GLS: variants seen among roughly 807,000 people sequenced by gnomAD.
GLS encodes glutaminase kidney isoform, mitochondrial.
A neutral mutation model predicts 86.7 loss-of-function variants in GLS; 36 were observed. The ratio of observed to expected loss-of-function variants is 0.42; its 90% confidence interval spans 0.32 to 0.55. The LOEUF (loss-of-function observed/expected upper bound fraction) is 0.55, where lower values mean the gene tolerates loss of function less well. Among genes scored for constraint, GLS ranks in the 20% least tolerant of loss-of-function variants. The pLI is 0.17. For missense variants in GLS, 528 were observed against 833.4 expected (o/e 0.63, Z 4.51); for synonymous variants, 317 against 305.9 (o/e 1.04, Z -0.38).
At chr2:190,926,442 C>T (rs1689898460) in intron 11 of GLS, among the ~76,000 whole-genome samples, 1 of 152,132 alleles carries the variant, frequency 6.6e-6, no homozygotes, top group Non-Finnish European at 1.5e-5. Flanking sequence ...CCCTTTGTGC[C>T]TCTTGTAGAT....
intron 14 of GLS, chr2:190,933,641 T>C (rs1443451496): frequency 7.3e-6 from 7 of 954,096 alleles, no homozygotes; most frequent in Non-Finnish European, 8.7e-6. Flanking sequence ...GGAGAAACAG[T>C]GAGTGTCTTC....
At chr2:190,892,455 G>T (rs1179009599) in intron 1 of GLS, among the ~76,000 whole-genome samples, 1 of 152,122 alleles carries the variant, frequency 6.6e-6, no homozygotes, top group African/African-American at 2.4e-5. Flanking sequence ...AGATTTGAAA[G>T]ATTGCTATAA....
chr2:190,925,357 A>G (rs1260357028), intron 11 of GLS, among the ~76,000 whole-genome samples: 2 of 152,050 alleles, frequency 1.3e-5, no homozygotes, highest in Non-Finnish European at 2.9e-5. Context: ...CTGCAGTGTC[A>G]TATGTCGGGC....
At chr2:190,952,299 A>T (rs948272639) in intron 14 of GLS, among the ~76,000 whole-genome samples, 2 of 152,176 alleles carry the variant, frequency 1.3e-5, no homozygotes, top group Non-Finnish European at 2.9e-5. Flanking sequence ...TATCAACACA[A>T]ATAGTAATAG....
intron 17 of GLS, among the ~76,000 whole-genome samples, chr2:190,958,333 T>G (rs985917520): frequency 6.6e-6 from 1 of 152,188 alleles, no homozygotes; most frequent in Non-Finnish European, 1.5e-5. Flanking sequence ...TTCTTATTAG[T>G]CTTGCTAGTG....
In GLS at chr2:190,963,713, A is replaced by G. The variant is rs1691057908; in HGVS notation, c.*727A>G. ...ATCTGCCTCTTTCCTTTAGCTGGGA[A>G]AGTGAGAGCTGGCATACTATGCAGT... On this transcript the variant is annotated 3_prime_UTR_variant, in exon 18 of 18. Transcript: ENST00000320717. 1 of 152,618 alleles carries G rather than the reference A, an allele frequency of 6.6e-6. No individual in the cohort carries two copies. The highest frequency in any genetic ancestry group is 2.4e-5 in the African/African-American group (1 of 41,448). The allele number at this position is 152,618 out of a possible 1,614,324, so 9.5% of individuals were successfully genotyped here. A position where few individuals can be genotyped will look rare whatever the true frequency, so the allele number is the denominator to read the frequency against.
chr2:190,935,904 G>A lies in GLS; in HGVS notation c.1650+4267G>A, dbSNP rs532597197. Among the ~76,000 whole-genome samples, 4 of 151,188 alleles carry A rather than the reference G, an allele frequency of 2.6e-5. No individual in the cohort carries two copies. In the South Asian group the frequency reaches 8.3e-4, roughly 31 times the overall value. ...GATCCAAATTATAGTACAAATTATA[G>A]AGGCTCCATGTATTGTAGGTCAAAT... On this transcript the variant is annotated intron_variant, in intron 14 of 17. Transcript: ENST00000320717. The surrounding 1 kb of genome is among the most constrained non-coding windows in gnomAD (Gnocchi z 4.2).
In GLS at chr2:190,924,564, A is replaced by G; in HGVS notation, c.1219A>G (p.Met407Val). 1 of 1,574,490 alleles carries G rather than the reference A, an allele frequency of 6.4e-7. No homozygotes were observed. Among genetic ancestry groups the G allele is most frequent in the Non-Finnish European group, 8.7e-7 (1 of 1,144,056 alleles). The change falls in exon 11 of 18, where the codon ATG becomes GTG. Residue 407 changes from methionine (M) to valine (V), a missense_variant. Physicochemically the swap from Met to Val is conservative, Grantham distance 21 (BLOSUM62 1). Transcript: ENST00000320717. This position sits in a 1 kb window ranked among gnomAD's most constrained non-coding sequence, Gnocchi z 5.2. ...TTAGTGTTTTCCAGAAGGCACAGACATGGTTGGTATATTAGACTTCTACTT... is the reference window on the plus strand; with the variant it reads ...TTAGTGTTTTCCAGAAGGCACAGACGTGGTTGGTATATTAGACTTCTACTT... ...EKKCFPEGTD[M>V]VGILDFYFQL...
chr2:190,925,387 GC>G (rs761486210), intron 11 of GLS, among the ~76,000 whole-genome samples: 1 of 152,048 alleles, frequency 6.6e-6, no homozygotes, highest in Non-Finnish European at 1.5e-5. Context: ...AGTTAGAGTA[GC>G]TCTCAATATT....
At position 190,945,948 on chromosome 2, in the gene GLS, C is replaced by T. The variant is rs1188147998; in HGVS notation, c.1651-7617C>T. On this transcript the variant is annotated intron_variant, in intron 14 of 17. Transcript: ENST00000320717. ...CTATTCCTATAAAAGATTTTTTCCC[C>T]AACCCTCCGAATCATATCAGTTTGG... is the stretch of plus-strand genomic sequence containing the variant. Among the ~76,000 whole-genome samples, 3 of 151,974 alleles carry T rather than the reference C, an allele frequency of 2.0e-5. No individual in the cohort carries two copies. The East Asian group carries it at 5.8e-4, about 29-fold the overall frequency.
At position 190,953,625 on chromosome 2, in the gene GLS, A is replaced by G. The variant is rs1181571935; in HGVS notation, c.1711A>G (p.Arg571Gly). ...TACTGGAGATGTGTCTGCACTTCGA[A>G]GGTATGTTTACAGGATGGATTAGCA... ...AYTGDVSALR[R>G]FALSAMDMEQ... Residue 571 changes from arginine to glycine, a missense_variant and splice_region_variant, in exon 15 of 18, where the codon AGA (arginine) becomes GGA (glycine). Physicochemically the swap from Arg to Gly is moderately radical, Grantham distance 125. Coordinates refer to ENST00000320717, the MANE Select transcript of GLS (RefSeq NM_014905.5). This position sits in a 1 kb window ranked among gnomAD's most constrained non-coding sequence, Gnocchi z 4.0. The G allele has an allele frequency of 4.4e-6, 7 of 1,593,258 alleles. No individual in the cohort carries two copies. The highest frequency in any genetic ancestry group is 6.0e-6 in the Non-Finnish European group (7 of 1,161,228).
At chr2:190,933,141 G>A in intron 14 of GLS, 2 of 863,584 alleles carry the variant, frequency 2.3e-6, no homozygotes, top group Non-Finnish European at 2.8e-6. Flanking sequence ...TAATTAAAAT[G>A]TTAACTATGT....
In GLS at chr2:190,910,220, G is replaced by A; in HGVS notation, c.980-43G>A. The A allele has an allele frequency of 4.6e-6, 5 of 1,091,118 alleles. No individual in the cohort carries two copies. The South Asian group carries it at 5.5e-5, about 12-fold the overall frequency. The allele number at this position is 1,091,118 out of a possible 1,614,324, so 67.6% of individuals were successfully genotyped here. The stretch of plus-strand genomic sequence containing the variant: ...TTTAGTATAGTAATATTACTCAAGT[G>A]TTTAAGTATTTGAAATAATGGTATT... On this transcript the variant is annotated intron_variant, in intron 6 of 17. Transcript: ENST00000320717.
rs1690620867 is a variant in GLS at position 190,947,997 on chromosome 2, T to C, written c.1651-5568T>C. On this transcript the variant is annotated intron_variant, in intron 14 of 17. Transcript: ENST00000320717. The surrounding 1 kb of genome is among the most constrained non-coding windows in gnomAD (Gnocchi z 5.0). ...AGTGTTAAACTAGTTTCATTTTCTT[T>C]TGTGGCATTCTACCCACAGCTCATT... Among the ~76,000 whole-genome samples the C allele has an allele frequency of 6.6e-6, 1 of 152,212 alleles. No homozygotes were observed. The highest frequency in any genetic ancestry group is 2.1e-4 in the South Asian group (1 of 4,830).
At position 190,920,819 on chromosome 2, in the gene GLS, A is replaced by G. The variant is rs1689706229; in HGVS notation, c.1039-205A>G. 6.6e-6 allele frequency among the ~76,000 whole-genome samples: 1 copy of G among 151,736 alleles called. No homozygotes were observed. The highest frequency in any genetic ancestry group is 2.1e-4 in the South Asian group (1 of 4,834). On this transcript the variant is annotated intron_variant, in intron 7 of 17. Transcript: ENST00000320717. The surrounding 1 kb of genome is among the most constrained non-coding windows in gnomAD (Gnocchi z 4.2). ...ACTTAAAATAAAGCATTCCCTTTGT[A>G]ATTCTAATGCATTCTCAACATATGG...
chr2:190,915,464 A>G (rs529064188), intron 7 of GLS, among the ~76,000 whole-genome samples: 3 of 152,144 alleles, frequency 2.0e-5, no homozygotes, highest in Non-Finnish European at 4.4e-5. Context: ...TTTACTACAA[A>G]TGATTATAGC....
chr2:190,890,719 T>G (rs372997512), intron 1 of GLS, among the ~76,000 whole-genome samples: 1 of 152,210 alleles, frequency 6.6e-6, no homozygotes, highest in East Asian at 1.9e-4. Flanking sequence ...CAACCCTGAA[T>G]TATCATCTGA....
chr2:190,929,852 A>T, intron 12 of GLS, among the ~76,000 whole-genome samples: 1 of 150,752 alleles, frequency 6.6e-6, no homozygotes, highest in East Asian at 2.0e-4. Context: ...GTATATATAT[A>T]TATTTTTTTT....
chr2:190,880,914 A>C lies in GLS; in HGVS notation c.-171A>C, dbSNP rs1043047913. On this transcript the variant is annotated 5_prime_UTR_variant, in exon 1 of 18. Coordinates refer to ENST00000320717, the MANE Select transcript of GLS (RefSeq NM_014905.5). ...CAGCAGCAGCAGCAGCAGCAGCAGC[A>C]GCAGCACCCGCATCCGCTGCGGGAG... The C allele has an allele frequency of 1.4e-4, 134 of 938,270 alleles. 2 individuals carry two copies. Among genetic ancestry groups the C allele is most frequent in the African/African-American group, 9.9e-4 (56 of 56,728 alleles). 58.1% of individuals were successfully genotyped at this position (938,270 alleles called of 1,614,324 possible).
Sources: gnomAD v4.1 joint callset for allele counts (sites outside exome capture counted in the v4.1 genomes callset) on GRCh38, gnomAD v4.1.1 for gene constraint, Gnocchi (gnomAD v3.1) non-coding constraint, MANE v1.5 for transcripts, NCBI Gene and HGNC (gene_info 2026-07-23, HGNC 2026-07-21) for gene names.